The following BBS9 variants were observed in gnomAD, a reference collection of about 807,000 sequenced individuals.
BBS9 encodes Bardet-Biedl syndrome 9, also known as protein PTHB1.
BBS9 carries 89 observed loss-of-function variants against 117.7 expected under a neutral mutation model. That is an observed-to-expected ratio of 0.76 (90% CI 0.64 to 0.90). BBS9 has a LOEUF of 0.90. Among genes scored for constraint, BBS9 ranks in the 40% least tolerant of loss-of-function variants. The pLI, the probability that BBS9 is intolerant of heterozygous loss-of-function variation, is 0.00. For synonymous variants in BBS9, 379 were observed against 370.9 expected, an observed-to-expected ratio of 1.02 and a Z score of -0.25; for missense variants, 982 against 1,042.2, an observed-to-expected ratio of 0.94 and a Z score of 0.80.
rs183627588 is a variant in BBS9, at chr7:33,477,863, C to G, written c.2116-27600C>G. On this transcript the variant is annotated intron_variant, in intron 19 of 22. Coordinates refer to ENST00000242067, the MANE Select transcript of BBS9 (RefSeq NM_198428.3). ...TGTGTGGTGCCATTAGGTGGAATAG[C>G]CATCAGAAATGGGGAAGAAGTATCA... 4.9e-4 allele frequency among the ~76,000 whole-genome samples: 75 copies of G among 152,186 alleles called. 1 individual carries two copies. Among genetic ancestry groups the G allele is most frequent in the Non-Finnish European group, 2.5e-4 (17 of 68,014 alleles).
At chr7:33,465,538 T>G (rs192526112) in intron 19 of BBS9, among the ~76,000 whole-genome samples, 9,322 of 152,238 alleles carry the variant, frequency 0.061, 499 homozygotes, top group East Asian at 0.26. Flanking sequence ...CGGATTTCAG[T>G]GCACTCTTAT....
chr7:33,405,344 T>A (rs1829731632), intron 19 of BBS9, among the ~76,000 whole-genome samples: 1 of 152,156 alleles, frequency 6.6e-6, no homozygotes, highest in Admixed American at 6.5e-5. Flanking sequence ...GGTATCAGGA[T>A]GATGCTGGCC....
intron 5 of BBS9, among the ~76,000 whole-genome samples, chr7:33,201,448 T>G (rs1376327984): frequency 6.6e-6 from 1 of 152,014 alleles, no homozygotes; most frequent in African/African-American, 2.4e-5. Context: ...TTCCATAGAC[T>G]TTTAAACAGC....
At chr7:33,384,184 A>T (rs74643196) in intron 18 of BBS9, among the ~76,000 whole-genome samples, 3,989 of 152,332 alleles carry the variant, frequency 0.026, 185 homozygotes, top group African/African-American at 0.091. Context: ...AGCAGGCCAT[A>T]AATGAGGTGT....
At chr7:33,163,700 G>A (rs143128704) in intron 4 of BBS9, among the ~76,000 whole-genome samples, 2,999 of 151,944 alleles carry the variant, frequency 0.02, 93 homozygotes, top group African/African-American at 0.069. Context: ...TTTTTGTTGC[G>A]TCTATTTGAT....
intron 19 of BBS9, among the ~76,000 whole-genome samples, chr7:33,484,584 A>G (rs1481714253): frequency 6.6e-6 from 1 of 152,226 alleles, no homozygotes; most frequent in Non-Finnish European, 1.5e-5. Flanking sequence ...CAAAACCACA[A>G]TGAGATACCA....
rs114473471 is a variant in BBS9 at position 33,615,404 on chromosome 7, C to G, written c.2522-19773C>G. Reference sequence around the variant, plus strand: ...CAATGTAAACAGAGTGATGAAAATTCTAAGAATTAAGAAGTGCTAGAGATC... The same window carrying G: ...CAATGTAAACAGAGTGATGAAAATTGTAAGAATTAAGAAGTGCTAGAGATC... On this transcript the variant is annotated intron_variant, in intron 21 of 21. Coordinates refer to the BBS9 transcript ENST00000671952. Among the ~76,000 whole-genome samples, 632 of 152,020 alleles carry G rather than the reference C, an allele frequency of 4.2e-3. 3 individuals carry two copies. Among genetic ancestry groups the G allele is most frequent in the African/African-American group, 0.015 (618 of 41,500 alleles).
chr7:33,457,688 T>G (rs1838845721), intron 19 of BBS9, among the ~76,000 whole-genome samples: 1 of 152,194 alleles, frequency 6.6e-6, no homozygotes, highest in Admixed American at 6.6e-5. Context: ...CTGATGATTT[T>G]GAACTCAAGG....
chr7:33,462,206 C>A (rs1041064044), intron 19 of BBS9, among the ~76,000 whole-genome samples: 2 of 151,996 alleles, frequency 1.3e-5, no homozygotes, highest in African/African-American at 4.8e-5. Context: ...ATGAAATGTT[C>A]TCCTTGTGTT....
intron 7 of BBS9, 124 bp from the exon 8 acceptor site, chr7:33,272,888 A>G (rs1450600887): frequency 2.1e-6 from 2 of 938,248 alleles, no homozygotes; most frequent in Non-Finnish European, 3.4e-6. Context: ...AAGAAATGAA[A>G]GAGATTAGCC....
chr7:33,393,302 G>A (rs1377422606), intron 19 of BBS9, among the ~76,000 whole-genome samples: 1 of 152,204 alleles, frequency 6.6e-6, no homozygotes, highest in African/African-American at 2.4e-5. Context: ...TTCTTTGAAG[G>A]ATGGAATCTA....
chr7:33,356,186 T>C (rs1487064237), intron 15 of BBS9, among the ~76,000 whole-genome samples: 1 of 151,900 alleles, frequency 6.6e-6, no homozygotes, highest in South Asian at 2.1e-4. Flanking sequence ...AAATTTTCTC[T>C]ACAGTTTACT....
At chr7:33,572,210 G>A (rs1857918275) in intron 21 of BBS9, among the ~76,000 whole-genome samples, 1 of 151,976 alleles carries the variant, frequency 6.6e-6, no homozygotes, top group Middle Eastern at 3.2e-3. Context: ...TTGTCTTTCT[G>A]TGTCTAGCTT....
chr7:33,211,101 C>T (rs928849210), intron 5 of BBS9, among the ~76,000 whole-genome samples: 6 of 152,102 alleles, frequency 3.9e-5, no homozygotes, highest in Non-Finnish European at 8.8e-5. Context: ...AACAGATCAT[C>T]GTGTCTTGTT....
At chr7:33,221,417 G>A (rs1790226505) in intron 5 of BBS9, among the ~76,000 whole-genome samples, 1 of 152,024 alleles carries the variant, frequency 6.6e-6, no homozygotes, top group South Asian at 2.1e-4. Flanking sequence ...ATCAAGTACT[G>A]TGAACTCCAT....
intron 21 of BBS9, among the ~76,000 whole-genome samples, chr7:33,633,971 A>G (rs1248501300): frequency 6.6e-6 from 1 of 152,080 alleles, no homozygotes; most frequent in Non-Finnish European, 1.5e-5. Flanking sequence ...CCTTCTCTTC[A>G]CAATTCAGAT....
intron 19 of BBS9, among the ~76,000 whole-genome samples, chr7:33,408,228 G>A (rs1830432389): frequency 6.6e-6 from 1 of 152,210 alleles, no homozygotes. Flanking sequence ...CATGGGTGTA[G>A]GACCCTCTGA....
At chr7:33,454,581 C>A (rs1398484860) in intron 19 of BBS9, among the ~76,000 whole-genome samples, 3 of 152,206 alleles carry the variant, frequency 2.0e-5, no homozygotes, top group African/African-American at 7.2e-5. Context: ...CTTAACAGGT[C>A]ACTGCCAAGA....
At chr7:33,175,391 A>C (rs1422070574) in intron 4 of BBS9, among the ~76,000 whole-genome samples, 1 of 152,128 alleles carries the variant, frequency 6.6e-6, no homozygotes, top group African/African-American at 2.4e-5. Context: ...ATTCTCCTTC[A>C]AGAAATCCTC....
Sources: allele counts gnomAD v4.1 joint callset (sites outside exome capture counted in the v4.1 genomes callset), GRCh38; gene constraint gnomAD v4.1.1; transcripts MANE v1.5; gene names NCBI Gene and HGNC (gene_info 2026-07-23, HGNC 2026-07-21).